Variants in SYNPR observed in about 807,000 individuals in gnomAD.
SYNPR encodes synaptoporin.
A neutral mutation model predicts 32.9 loss-of-function variants in SYNPR; 23 were observed. That is an observed-to-expected ratio of 0.70 (90% CI 0.50 to 0.99). SYNPR has a LOEUF of 0.99. Among genes scored for constraint, SYNPR ranks in the 50% least tolerant of loss-of-function variants. The pLI is 0.00. For missense variants in SYNPR, 318 were observed against 349.3 expected, an observed-to-expected ratio of 0.91 and a Z score of 0.71; for synonymous variants, 146 against 135.9, an observed-to-expected ratio of 1.07 and a Z score of -0.52.
chr3:63,285,685 T>C (rs1370735593), intron 2 of SYNPR, among the ~76,000 whole-genome samples: 1 of 152,116 alleles, frequency 6.6e-6, no homozygotes, highest in Non-Finnish European at 1.5e-5. Flanking sequence ...GCCTCACAAG[T>C]ACAGAAAAAA....
At chr3:63,497,751 C>T (rs990292627) in intron 3 of SYNPR, among the ~76,000 whole-genome samples, 1 of 151,966 alleles carries the variant, frequency 6.6e-6, no homozygotes, top group Admixed American at 6.6e-5. Context: ...ATAAATATTC[C>T]GTATGGGAAC....
At chr3:63,548,220 C>G (rs1206373351) in intron 3 of SYNPR, among the ~76,000 whole-genome samples, 1 of 152,058 alleles carries the variant, frequency 6.6e-6, no homozygotes, top group Non-Finnish European at 1.5e-5. Flanking sequence ...GCTTGGAAAA[C>G]GTGGAAATGA....
chr3:63,236,592 A>G (rs1331027908), intron 1 of SYNPR, among the ~76,000 whole-genome samples: 1 of 152,118 alleles, frequency 6.6e-6, no homozygotes, highest in Non-Finnish European at 1.5e-5. Flanking sequence ...TCCTGTACAT[A>G]TTAAGTATAC....
rs183857283 is a variant in SYNPR, at chr3:63,319,694, C to G, written c.84+40952C>G. Among the ~76,000 whole-genome samples, 446 of 152,032 alleles carry G rather than the reference C, an allele frequency of 2.9e-3. 1 individual carries two copies. Among genetic ancestry groups the G allele is most frequent in the Non-Finnish European group, 4.5e-3 (309 of 67,914 alleles). ...AAAAAAAATTGTTAAAATGCCCATA[C>G]TGCCTAAAACAATCTACAGAGTCAA... On this transcript the variant is annotated intron_variant, in intron 2 of 5. Coordinates refer to ENST00000478300, the MANE Select transcript of SYNPR (RefSeq NM_001130003.2).
intron 4 of SYNPR, among the ~76,000 whole-genome samples, chr3:63,573,174 A>T (rs573759843): frequency 6.6e-6 from 1 of 152,178 alleles, no homozygotes; most frequent in Non-Finnish European, 1.5e-5. Flanking sequence ...TTATCTTTGT[A>T]AAAGGAGAGA....
At chr3:63,532,713 C>T (rs1702133303) in intron 3 of SYNPR, among the ~76,000 whole-genome samples, 1 of 152,234 alleles carries the variant, frequency 6.6e-6, no homozygotes, top group Non-Finnish European at 1.5e-5. Flanking sequence ...CTAAATCCCA[C>T]TGACGTCCAT....
chr3:63,219,474 T>TA, the SYNPR span, among the ~76,000 whole-genome samples: 2 of 152,098 alleles, frequency 1.3e-5, no homozygotes, highest in Non-Finnish European at 2.9e-5. Context: ...CAAACAGAAA[T>TA]ATACAGTTGA....
At chr3:63,445,341 T>G (rs2107166873) in intron 2 of SYNPR, among the ~76,000 whole-genome samples, 1 of 152,336 alleles carries the variant, frequency 6.6e-6, no homozygotes, top group South Asian at 2.1e-4. Context: ...AAAAGGCATC[T>G]GTATCTTTAA....
chr3:63,210,556 C>A, the SYNPR span, among the ~76,000 whole-genome samples: 2 of 152,204 alleles, frequency 1.3e-5, no homozygotes, highest in Non-Finnish European at 2.9e-5. Flanking sequence ...TACTTGTTTT[C>A]CGTTTTCTTT....
At chr3:63,311,408 C>T (rs1378316826) in intron 2 of SYNPR, among the ~76,000 whole-genome samples, 2 of 151,962 alleles carry the variant, frequency 1.3e-5, no homozygotes, top group South Asian at 2.1e-4. Context: ...CCCCAACCCC[C>T]GGGCCAAAGA....
At chr3:63,251,780 C>T (rs1226177057) in intron 1 of SYNPR, among the ~76,000 whole-genome samples, 1 of 151,860 alleles carries the variant, frequency 6.6e-6, no homozygotes, top group African/African-American at 2.4e-5. Flanking sequence ...AGACAACAAC[C>T]AAGGAGAAGA....
Position 63,234,216 on chromosome 3 carries a change from G to T in SYNPR, n.66+5836G>T, listed in dbSNP as rs183381311. Among the ~76,000 whole-genome samples, 26 of 152,248 alleles carry T rather than the reference G, an allele frequency of 1.7e-4. No individual in the cohort carries two copies. In the East Asian group the frequency reaches 3.3e-3, roughly 19 times the overall value. ...ACAAAGAGAGAGAGCTTGTGAATGG[G>T]AACTCCTCCTTATAAAAACATCAAA... On this transcript the variant is annotated intron_variant and non_coding_transcript_variant, in intron 1 of 4. Coordinates refer to the SYNPR transcript ENST00000478456.
intron 3 of SYNPR, among the ~76,000 whole-genome samples, chr3:63,543,198 T>C (rs1702338038): frequency 6.6e-6 from 1 of 152,084 alleles, no homozygotes; most frequent in African/African-American, 2.4e-5. Context: ...AAACAACATC[T>C]TAGTGTTATC....
intron 4 of SYNPR, among the ~76,000 whole-genome samples, chr3:63,608,168 C>T (rs1157634310): frequency 6.6e-6 from 1 of 152,014 alleles, no homozygotes; most frequent in African/African-American, 2.4e-5. Context: ...TGCCTGCCAC[C>T]CCACCCGAGT....
chr3:63,441,148 T>C (rs944506299), intron 2 of SYNPR, among the ~76,000 whole-genome samples: 4 of 152,178 alleles, frequency 2.6e-5, no homozygotes, highest in Non-Finnish European at 5.9e-5. Flanking sequence ...ACTCTTTGGG[T>C]CTTGGTTTTT....
At chr3:63,536,342 T>C (rs1702208337) in intron 3 of SYNPR, among the ~76,000 whole-genome samples, 1 of 152,062 alleles carries the variant, frequency 6.6e-6, no homozygotes, top group Non-Finnish European at 1.5e-5. Flanking sequence ...GATATACAAA[T>C]AGCCAAAAAG....
At chr3:63,510,765 A>G (rs1701681303) in intron 3 of SYNPR, among the ~76,000 whole-genome samples, 1 of 152,100 alleles carries the variant, frequency 6.6e-6, no homozygotes, top group African/African-American at 2.4e-5. Flanking sequence ...TGTGATCAGT[A>G]ACAGTTACTC....
At chr3:63,378,676 G>A (rs1256982581) in intron 2 of SYNPR, among the ~76,000 whole-genome samples, 1 of 151,906 alleles carries the variant, frequency 6.6e-6, no homozygotes, top group African/African-American at 2.4e-5. Flanking sequence ...AGATACGCCT[G>A]TATTATCTTA....
chr3:63,244,655 C>G (rs977838159), intron 1 of SYNPR, among the ~76,000 whole-genome samples: 1 of 152,090 alleles, frequency 6.6e-6, no homozygotes, highest in African/African-American at 2.4e-5. Context: ...AAAGGCACTG[C>G]TTCTTTCCAA....
Sources: gnomAD v4.1 joint callset for allele counts (sites outside exome capture counted in the v4.1 genomes callset) on GRCh38, gnomAD v4.1.1 for gene constraint, MANE v1.5 for transcripts, NCBI Gene and HGNC (gene_info 2026-07-23, HGNC 2026-07-21) for gene names.